GMDS: variants seen among roughly 807,000 people sequenced by gnomAD.
The protein encoded by GMDS is GDP-mannose 4,6 dehydratase.
Under a neutral mutation model 49.9 loss-of-function variants are expected in GMDS, and 20 were observed. That is an observed-to-expected ratio of 0.40 (90% confidence interval 0.28 to 0.58). GMDS has a LOEUF of 0.58. Among genes scored for constraint, GMDS ranks in the 20% least tolerant of loss-of-function variants. GMDS has a pLI of 0.42. For synonymous variants in GMDS, 177 were observed against 178.6 expected (o/e 0.99, Z 0.07); for missense variants, 362 against 481.4 (o/e 0.75, Z 2.32).
intron 7 of GMDS, among the ~76,000 whole-genome samples, chr6:1,891,003 A>G (rs1055971931): frequency 2.0e-5 from 3 of 152,208 alleles, no homozygotes. Context: ...TTGAAAATCA[A>G]CCAATTACAA....
At chr6:1,831,298 G>A (rs1392107586) in intron 7 of GMDS, among the ~76,000 whole-genome samples, 2 of 152,234 alleles carry the variant, frequency 1.3e-5, no homozygotes, top group Non-Finnish European at 2.9e-5. Context: ...ATATAAGCAA[G>A]AATGCCTGTA....
rs115851386 is a variant in GMDS at position 2,241,296 on chromosome 6, C to T, written c.102+4025G>A. On this transcript the variant is annotated intron_variant, in intron 1 of 10. Transcript: ENST00000380815. ...CGTTTTTGGTTTTACAGGCTCATAG[C>T]TAGAAGGAACTTGCTTTGAGTCTCA... Among the ~76,000 whole-genome samples, 914 of 152,280 alleles carry T rather than the reference C, an allele frequency of 6.0e-3. 9 individuals carry two copies. The highest frequency in any genetic ancestry group is 0.021 in the African/African-American group (872 of 41,550).
intron 7 of GMDS, among the ~76,000 whole-genome samples, chr6:1,757,256 CTCTAA>C (rs538013118): frequency 1.3e-3 from 201 of 152,300 alleles, no homozygotes; most frequent in African/African-American, 4.8e-3. Flanking sequence ...TTTCAGGTCA[CTCTAA>C]TCTAACGAAT....
chr6:2,099,007 CTA>C (rs1399225054), intron 4 of GMDS, among the ~76,000 whole-genome samples: 1 of 151,818 alleles, frequency 6.6e-6, no homozygotes, highest in Non-Finnish European at 1.5e-5. Flanking sequence ...TTTTTTTCTG[CTA>C]TAGGTGGAAT....
intron 7 of GMDS, among the ~76,000 whole-genome samples, chr6:1,765,641 T>A (rs1768321244): frequency 6.6e-6 from 1 of 152,166 alleles, no homozygotes; most frequent in African/African-American, 2.4e-5. Flanking sequence ...ACGCGGCGGC[T>A]GAGCAGGAAC....
chr6:1,977,574 C>T (rs1764979586), intron 4 of GMDS, among the ~76,000 whole-genome samples: 2 of 152,104 alleles, frequency 1.3e-5, no homozygotes, highest in African/African-American at 4.8e-5. Flanking sequence ...TAGGTTATCG[C>T]ATTGGAACGG....
chr6:1,862,934 T>C (rs1758262326), intron 7 of GMDS, among the ~76,000 whole-genome samples: 1 of 152,106 alleles, frequency 6.6e-6, no homozygotes, highest in South Asian at 2.1e-4. Context: ...TGAGAAAACA[T>C]CCCAAAAATT....
At chr6:1,820,625 A>G (rs1011251258) in intron 7 of GMDS, among the ~76,000 whole-genome samples, 1 of 152,210 alleles carries the variant, frequency 6.6e-6, no homozygotes, top group African/African-American at 2.4e-5. Flanking sequence ...TTACGTTTTA[A>G]TGTAAACACT....
chr6:1,879,177 T>C (rs1581295452), intron 7 of GMDS, among the ~76,000 whole-genome samples: 2 of 152,250 alleles, frequency 1.3e-5, no homozygotes, highest in Admixed American at 1.3e-4. Flanking sequence ...AAAGTAATTA[T>C]CTGGTTATTT....
intron 4 of GMDS, among the ~76,000 whole-genome samples, chr6:2,044,961 G>C (rs1769913468): frequency 6.6e-6 from 1 of 151,732 alleles, no homozygotes; most frequent in African/African-American, 2.4e-5. Context: ...CTTTTTCAAA[G>C]CACTCCGAAA....
chr6:1,639,542 A>AC (rs1309060928), intron 9 of GMDS, among the ~76,000 whole-genome samples: 4 of 151,954 alleles, frequency 2.6e-5, no homozygotes, highest in African/African-American at 9.7e-5. Flanking sequence ...CTGAATGTGG[A>AC]CCCCCCAGGT....
chr6:2,224,907 G>C (rs191325508), intron 1 of GMDS, among the ~76,000 whole-genome samples: 7 of 152,288 alleles, frequency 4.6e-5, no homozygotes, highest in African/African-American at 1.4e-4. Flanking sequence ...CTTTACAAAA[G>C]AGAAAACTGA....
intron 4 of GMDS, among the ~76,000 whole-genome samples, chr6:2,090,762 T>C (rs1223926769): frequency 6.6e-6 from 1 of 152,208 alleles, no homozygotes; most frequent in Non-Finnish European, 1.5e-5. Context: ...GCAACTGAAG[T>C]GGAATATATG....
intron 7 of GMDS, among the ~76,000 whole-genome samples, chr6:1,773,302 T>C (rs978717999): frequency 6.6e-6 from 1 of 152,144 alleles, no homozygotes; most frequent in Non-Finnish European, 1.5e-5. Context: ...TCCTTGAAAG[T>C]AACAGCATTT....
Position 2,236,427 on chromosome 6 carries a change from G to A in GMDS, c.102+8894C>T, listed in dbSNP as rs559732373. On this transcript the variant is annotated intron_variant, in intron 1 of 10. Transcript: ENST00000380815. Reference sequence around the variant, plus strand: ...ACAATTCTTGACAAACAGGGTTTCTGCTGTCTTTCTCCTTGACTGGGTTTA... The same window carrying A: ...ACAATTCTTGACAAACAGGGTTTCTACTGTCTTTCTCCTTGACTGGGTTTA... Among the ~76,000 whole-genome samples, 9 of 152,294 alleles carry A rather than the reference G, an allele frequency of 5.9e-5. No homozygotes were observed. The South Asian group carries it at 1.9e-3, about 32-fold the overall frequency.
intron 1 of GMDS, among the ~76,000 whole-genome samples, chr6:2,242,846 G>A (rs752286373): frequency 6.6e-6 from 1 of 152,196 alleles, no homozygotes; most frequent in Non-Finnish European, 1.5e-5. Context: ...GAATAGCTCA[G>A]TAAGTTCTCA....
intron 9 of GMDS, among the ~76,000 whole-genome samples, chr6:1,647,730 G>T (rs1041029421): frequency 6.6e-6 from 1 of 152,174 alleles, no homozygotes; most frequent in African/African-American, 2.4e-5. Context: ...CTGGAGAGAA[G>T]GAGTCATCTG....
chr6:2,211,073 G>C (rs1780041309), intron 1 of GMDS, among the ~76,000 whole-genome samples: 1 of 152,110 alleles, frequency 6.6e-6, no homozygotes, highest in Non-Finnish European at 1.5e-5. Flanking sequence ...CATACTCCCT[G>C]TACAGCCTGC....
chr6:1,689,632 A>C (rs1200641908), intron 9 of GMDS, among the ~76,000 whole-genome samples: 1 of 152,208 alleles, frequency 6.6e-6, no homozygotes, highest in Non-Finnish European at 1.5e-5. Context: ...ACTGACACAC[A>C]AATCTCCTTC....
Sources: gnomAD v4.1 joint callset for allele counts (sites outside exome capture counted in the v4.1 genomes callset) on GRCh38, gnomAD v4.1.1 for gene constraint, MANE v1.5 for transcripts, NCBI Gene and HGNC (gene_info 2026-07-23, HGNC 2026-07-21) for gene names.